JAKMIP2: variants seen among roughly 807,000 people sequenced by gnomAD.
The protein encoded by JAKMIP2 is janus kinase and microtubule-interacting protein 2.
In JAKMIP2, 25 loss-of-function variants were observed where a neutral mutation model predicts 115.0. The ratio of observed to expected loss-of-function variants is 0.22; its 90% confidence interval spans 0.16 to 0.30. The LOEUF (loss-of-function observed/expected upper bound fraction) is 0.30. Among genes scored for constraint, JAKMIP2 ranks in the 10% least tolerant of loss-of-function variants. The probability of loss-of-function intolerance (pLI) is 1.00; values close to 1 mark genes in which losing one functional copy is unlikely to be tolerated. For missense variants in JAKMIP2, 642 were observed against 957.6 expected (o/e 0.67, Z 4.35); for synonymous variants, 334 against 343.6 (o/e 0.97, Z 0.31).
In JAKMIP2 at chr5:147,585,705, T is replaced by C. The variant is rs567534854; in HGVS notation, c.*6002A>G. On this transcript the variant is annotated 3_prime_UTR_variant, in exon 22 of 22. Transcript: ENST00000616793. ...GATATATGGAGTCATGCTAATGAGA[T>C]GGAAAGAAAGAACCCCAATTGAGGC... 9 of 152,242 alleles carry C rather than the reference T, an allele frequency of 5.9e-5. No homozygotes were observed. In the South Asian group the frequency reaches 1.7e-3, roughly 28 times the overall value. 9.4% of individuals were successfully genotyped at this position (152,242 alleles called of 1,614,324 possible).
chr5:147,660,195 A>G (rs952963329), intron 3 of JAKMIP2, among the ~76,000 whole-genome samples: 3 of 152,180 alleles, frequency 2.0e-5, no homozygotes, highest in African/African-American at 7.2e-5. Flanking sequence ...TAATTTTCAG[A>G]TGATAATTAT....
At chr5:147,739,487 G>C (rs1754059694) in intron 1 of JAKMIP2, among the ~76,000 whole-genome samples, 1 of 152,120 alleles carries the variant, frequency 6.6e-6, no homozygotes, top group Non-Finnish European at 1.5e-5. Flanking sequence ...GCAAGGAGGG[G>C]CTGGCCAAAC....
chr5:147,773,276 T>A (rs1375823629), intron 1 of JAKMIP2, among the ~76,000 whole-genome samples: 1 of 152,114 alleles, frequency 6.6e-6, no homozygotes, highest in Non-Finnish European at 1.5e-5. Flanking sequence ...CTACTCTCTG[T>A]CATAAGGATC....
chr5:147,689,829 A>C (rs1760746298), intron 1 of JAKMIP2, among the ~76,000 whole-genome samples: 1 of 152,208 alleles, frequency 6.6e-6, no homozygotes, highest in Admixed American at 6.5e-5. Context: ...TATTCACTGC[A>C]TACACAGTTT....
At chr5:147,780,763 G>A (rs1755726626) in intron 1 of JAKMIP2, among the ~76,000 whole-genome samples, 1 of 152,122 alleles carries the variant, frequency 6.6e-6, no homozygotes, top group Non-Finnish European at 1.5e-5. Context: ...AAATACATGT[G>A]AAAATTATAA....
chr5:147,618,864 C>G (rs142266247), intron 18 of JAKMIP2, among the ~76,000 whole-genome samples: 1 of 152,088 alleles, frequency 6.6e-6, no homozygotes, highest in African/African-American at 2.4e-5. Context: ...AAATACTGCC[C>G]CCGTTTTATT....
chr5:147,605,836 C>G (rs1044395735), intron 20 of JAKMIP2, among the ~76,000 whole-genome samples: 3 of 152,196 alleles, frequency 2.0e-5, no homozygotes, highest in African/African-American at 4.8e-5. Context: ...CACATCCTCT[C>G]CAGCATCTAT....
intron 1 of JAKMIP2, among the ~76,000 whole-genome samples, chr5:147,766,391 CTCTTT>C (rs1561583876): frequency 6.6e-6 from 1 of 152,128 alleles, no homozygotes; most frequent in East Asian, 1.9e-4. Flanking sequence ...TTTTATCTCT[CTCTTT>C]TAACAATTAA....
At chr5:147,704,523 T>C (rs1039555558) in intron 1 of JAKMIP2, among the ~76,000 whole-genome samples, 3 of 151,978 alleles carry the variant, frequency 2.0e-5, no homozygotes, top group African/African-American at 7.3e-5. Flanking sequence ...GGAAGTTTGG[T>C]GTTAGGGAAG....
At chr5:147,601,346 T>G (rs1755683803) in intron 21 of JAKMIP2, among the ~76,000 whole-genome samples, 1 of 152,110 alleles carries the variant, frequency 6.6e-6, no homozygotes, top group East Asian at 1.9e-4. Context: ...TGGTCAACAC[T>G]TTGGGAGGCT....
chr5:147,690,363 A>G (rs1414729252), intron 1 of JAKMIP2, among the ~76,000 whole-genome samples: 1 of 151,836 alleles, frequency 6.6e-6, no homozygotes, highest in Non-Finnish European at 1.5e-5. Flanking sequence ...AAAATAAAAA[A>G]GGGACCAGCA....
chr5:147,638,075 T>G (rs1005593545), intron 10 of JAKMIP2, among the ~76,000 whole-genome samples: 1 of 152,220 alleles, frequency 6.6e-6, no homozygotes, highest in African/African-American at 2.4e-5. Context: ...TAAGATTTAT[T>G]TTAACTGTGA....
At chr5:147,687,884 A>G (rs1439818936) in intron 1 of JAKMIP2, among the ~76,000 whole-genome samples, 1 of 152,248 alleles carries the variant, frequency 6.6e-6, no homozygotes, top group Admixed American at 6.5e-5. Context: ...TACATAAAAC[A>G]CAAAATGAAG....
chr5:147,633,981 T>C (rs1757490513), intron 12 of JAKMIP2, among the ~76,000 whole-genome samples: 2 of 152,196 alleles, frequency 1.3e-5, no homozygotes, highest in Admixed American at 1.3e-4. Flanking sequence ...TGAGCCATTG[T>C]GCCCGGCTGT....
rs1037233015 is a variant in JAKMIP2, at chr5:147,667,925, G to T, written c.129+3753C>A. ...TGAATCAGACAGTGAGCATTACCTT[G>T]ATCACCACCATCTTACAGAAGACAG... On this transcript the variant is annotated intron_variant, in intron 2 of 21. Transcript: ENST00000616793. 8.5e-5 allele frequency among the ~76,000 whole-genome samples: 13 copies of T among 152,234 alleles called. 1 individual carries two copies. In the East Asian group the frequency reaches 2.5e-3, roughly 29 times the overall value.
At chr5:147,643,812 C>A (rs1048902006) in intron 7 of JAKMIP2, among the ~76,000 whole-genome samples, 11 of 152,160 alleles carry the variant, frequency 7.2e-5, no homozygotes, top group Non-Finnish European at 1.2e-4. Context: ...TTTAAAAGTT[C>A]TTTTAATGTG....
At chr5:147,722,162 G>T (rs1254668280) in intron 1 of JAKMIP2, among the ~76,000 whole-genome samples, 1 of 152,230 alleles carries the variant, frequency 6.6e-6, no homozygotes, top group African/African-American at 2.4e-5. Context: ...AAAATCAACC[G>T]ATTGCTGTTT....
At chr5:147,612,562 TA>T (rs1396143759) in intron 19 of JAKMIP2, among the ~76,000 whole-genome samples, 191 bp from the exon 20 acceptor site, 2 of 152,238 alleles carry the variant, frequency 1.3e-5, no homozygotes, top group Admixed American at 1.3e-4. Flanking sequence ...ATGTTTGTGG[TA>T]GAAAATCATT....
chr5:147,671,407 G>A (rs548282354), intron 2 of JAKMIP2, among the ~76,000 whole-genome samples: 1 of 152,358 alleles, frequency 6.6e-6, no homozygotes, highest in South Asian at 2.1e-4. Flanking sequence ...AAGGGACACT[G>A]TCTGAATTTT....
Sources: gnomAD v4.1 joint callset for allele counts (sites outside exome capture counted in the v4.1 genomes callset) on GRCh38, gnomAD v4.1.1 for gene constraint, MANE v1.5 for transcripts, NCBI Gene and HGNC (gene_info 2026-07-23, HGNC 2026-07-21) for gene names.